The following SCYL3 variants were observed in gnomAD, a reference collection of about 807,000 sequenced individuals.
SCYL3 encodes SCY1 like pseudokinase 3, also known as protein-associating with the carboxyl-terminal domain of ezrin.
A neutral mutation model predicts 73.8 loss-of-function variants in SCYL3; 35 were observed. The ratio of observed to expected loss-of-function variants is 0.47; its 90% CI spans 0.36 to 0.63. The LOEUF is 0.63. Ranked by LOEUF, SCYL3 falls within the 20% of genes least tolerant of loss-of-function variation. The pLI, the probability that SCYL3 is intolerant of heterozygous loss-of-function variation, is 0.00. For missense variants in SCYL3, 712 were observed against 798.9 expected (o/e 0.89, Z 1.31); for synonymous variants, 277 against 295.2 (o/e 0.94, Z 0.63).
intron 12 of SCYL3, 34 bp from the exon 13 acceptor site, chr1:169,853,806 G>GA (rs1460448717): frequency 6.3e-7 from 1 of 1,595,042 alleles, no homozygotes; most frequent in Non-Finnish European, 8.5e-7. Flanking sequence ...AGAACCCACT[G>GA]AAACAAATCA....
intron 11 of SCYL3, chr1:169,856,008 T>C (rs1417362266): frequency 6.4e-7 from 1 of 1,564,366 alleles, no homozygotes; most frequent in African/African-American, 1.4e-5. Flanking sequence ...AAATTGCTTC[T>C]TGATCTATCA....
intron 5 of SCYL3, among the ~76,000 whole-genome samples, 168 bp downstream of exon 5, chr1:169,873,528 G>T (rs4656726): frequency 6.6e-6 from 1 of 152,088 alleles, no homozygotes; most frequent in African/African-American, 2.4e-5. Flanking sequence ...ATTTAAGCTG[G>T]CTCCCTGGCT....
At chr1:169,875,928 A>G in intron 4 of SCYL3, 50 bp downstream of exon 4, 1 of 1,221,180 alleles carries the variant, frequency 8.2e-7, no homozygotes, top group Non-Finnish European at 1.2e-6. Context: ...ACCACATACC[A>G]AGACGCTATT....
Position 169,850,282 on chromosome 1 carries a change from G to T in SCYL3, c.*3431C>A, listed in dbSNP as rs781558680. On this transcript the variant is annotated 3_prime_UTR_variant, in exon 13 of 13. Coordinates refer to ENST00000367771, the MANE Select transcript of SCYL3 (RefSeq NM_020423.7). ...TTTAATAGGGAACAAATCATGAAGA[G>T]ATAGTTCCACAGTGTCTCAGTTCTG... 5 of 1,609,984 alleles carry T rather than the reference G, an allele frequency of 3.1e-6. No homozygotes were observed. In the South Asian group the frequency reaches 4.4e-5, roughly 14 times the overall value.
At chr1:169,867,306 A>G (rs1209379273) in intron 7 of SCYL3, among the ~76,000 whole-genome samples, 1 of 152,246 alleles carries the variant, frequency 6.6e-6, no homozygotes, top group Non-Finnish European at 1.5e-5. Context: ...TGACATTACC[A>G]TTACAAAATA....
intron 1 of SCYL3, among the ~76,000 whole-genome samples, chr1:169,891,851 C>G (rs1662109397): frequency 6.6e-6 from 1 of 152,102 alleles, no homozygotes; most frequent in South Asian, 2.1e-4. Flanking sequence ...ATTGGCCTTG[C>G]AATAGCTATT....
At chr1:169,862,265 A>G (rs1317443522) in intron 10 of SCYL3, among the ~76,000 whole-genome samples, 1 of 152,388 alleles carries the variant, frequency 6.6e-6, no homozygotes, top group East Asian at 1.9e-4. Context: ...AAAGCCACTG[A>G]TAAGAATCAT....
At chr1:169,853,869 T>A in intron 12 of SCYL3, 97 bp from the exon 13 acceptor site, 1 of 1,377,934 alleles carries the variant, frequency 7.3e-7, no homozygotes, top group Non-Finnish European at 1.0e-6. Flanking sequence ...AATTTATCTT[T>A]TGATGCCAGA....
In SCYL3 at chr1:169,853,931, A is replaced by AAAGT. The variant is rs1377666888; in HGVS notation, c.2008-163_2008-160dup. The AAAGT allele has an allele frequency of 7.5e-6, 6 of 794,822 alleles. No individual in the cohort carries two copies. The African/African-American group carries it at 8.8e-5, about 12-fold the overall frequency. The allele number at this position is 794,822 out of a possible 1,614,324, so 49.2% of individuals were successfully genotyped here. ...ACTTAGAGCTCTAACAGAAAGTTGA[A>AAAGT]AAGTAGGATTACAAAACCATGGCAC... On this transcript the variant is annotated intron_variant, in intron 12 of 12. Transcript: ENST00000367771.
At chr1:169,887,083 T>C (rs905666234) in intron 2 of SCYL3, among the ~76,000 whole-genome samples, 3 of 152,156 alleles carry the variant, frequency 2.0e-5, no homozygotes, top group African/African-American at 7.2e-5. Flanking sequence ...TATGACCTAG[T>C]TTTTTAAGAT....
At chr1:169,888,173 AATC>A (rs1661811246) in intron 2 of SCYL3, among the ~76,000 whole-genome samples, 1 of 152,244 alleles carries the variant, frequency 6.6e-6, no homozygotes, top group South Asian at 2.1e-4. Flanking sequence ...TCCACAGTAA[AATC>A]ATTTTTTCTG....
At chr1:169,886,255 G>A (rs1478948222) in intron 2 of SCYL3, among the ~76,000 whole-genome samples, 1 of 151,914 alleles carries the variant, frequency 6.6e-6, no homozygotes, top group African/African-American at 2.4e-5. Context: ...AGGTTGCAGT[G>A]AGCCAAGATC....
rs1465822862 is a variant in SCYL3, at chr1:169,851,271, T to A, written c.*2442A>T. On this transcript the variant is annotated 3_prime_UTR_variant, in exon 13 of 13. Transcript: ENST00000367771. ...AAACTGAATTATTTGATATATTACA[T>A]GTAATGATGCACGTTATATATTTTA... The A allele has an allele frequency of 9.1e-5, 14 of 153,226 alleles. No homozygotes were observed. Among genetic ancestry groups the A allele is most frequent in the African/African-American group, 3.4e-4 (14 of 41,312 alleles). The allele number at this position is 153,226 out of a possible 1,614,324, so 9.5% of individuals were successfully genotyped here.
intron 2 of SCYL3, among the ~76,000 whole-genome samples, chr1:169,883,656 A>C (rs1661464946): frequency 6.6e-6 from 1 of 151,532 alleles, no homozygotes; most frequent in African/African-American, 2.4e-5. Flanking sequence ...ACTTTATTAA[A>C]CTACTTCCAG....
intron 12 of SCYL3, chr1:169,853,988 C>T: frequency 1.6e-6 from 1 of 613,076 alleles, no homozygotes; most frequent in South Asian, 2.2e-5. Flanking sequence ...CCATAAAATC[C>T]AGTAAAAATC....
intron 3 of SCYL3, among the ~76,000 whole-genome samples, chr1:169,877,200 A>G (rs1660910385): frequency 6.6e-6 from 1 of 152,172 alleles, no homozygotes; most frequent in Non-Finnish European, 1.5e-5. Flanking sequence ...CTGTTGCCCC[A>G]GCTGGAGTAC....
intron 2 of SCYL3, among the ~76,000 whole-genome samples, chr1:169,880,639 T>C (rs1661174229): frequency 6.6e-6 from 1 of 151,322 alleles, no homozygotes; most frequent in Non-Finnish European, 1.5e-5. Flanking sequence ...AGACCTGCTA[T>C]ATAAAAAATG....
chr1:169,877,142 T>C lies in SCYL3; in HGVS notation c.352-1051A>G, dbSNP rs12089234. 3.3e-3 allele frequency among the ~76,000 whole-genome samples: 496 copies of C among 152,160 alleles called. 6 individuals carry two copies. The highest frequency in any genetic ancestry group is 0.011 in the African/African-American group (456 of 41,504). On this transcript the variant is annotated intron_variant, in intron 3 of 12. Transcript: ENST00000367771. ...TCATTTCAGTGATAAAAAAGTATGT[T>C]TAAAGTTATTATGTATGTATGTAAT...
At chr1:169,861,025 T>C (rs147407838) in intron 10 of SCYL3, among the ~76,000 whole-genome samples, 27 of 152,376 alleles carry the variant, frequency 1.8e-4, no homozygotes, top group African/African-American at 5.5e-4. Context: ...CTGAGACCTA[T>C]GATGACAACT....
Sources: allele counts gnomAD v4.1 joint callset (sites outside exome capture counted in the v4.1 genomes callset), GRCh38; gene constraint gnomAD v4.1.1; transcripts MANE v1.5; gene names NCBI Gene and HGNC (gene_info 2026-07-23, HGNC 2026-07-21).